MTHFD1L: variants seen among roughly 807,000 people sequenced by gnomAD.
MTHFD1L encodes the protein methylenetetrahydrofolate dehydrogenase (NADP+ dependent) 1 like, also known as monofunctional C1-tetrahydrofolate synthase, mitochondrial.
MTHFD1L carries 81 observed loss-of-function variants against 119.5 expected under a neutral mutation model. The ratio of observed to expected loss-of-function variants is 0.68; its 90% CI spans 0.57 to 0.82. MTHFD1L has a LOEUF of 0.82. Ranked by LOEUF, MTHFD1L falls within the 40% of genes least tolerant of loss-of-function variation. The pLI is 0.00. For synonymous variants in MTHFD1L, 430 were observed against 475.2 expected (o/e 0.90, Z 1.24); for missense variants, 1,125 against 1,253.4 (o/e 0.90, Z 1.55).
In MTHFD1L at chr6:151,014,877, C is replaced by T; in HGVS notation, c.2308-3C>T. On this transcript the variant is annotated splice_region_variant and splice_polypyrimidine_tract_variant and intron_variant, in intron 22 of 27. Transcript: ENST00000367321. ...CTGGGTTTTGCTTTTTTCTTTTTTA[C>T]AGAACATCCAGCTGGTGGCAGACGG... 1.9e-6 allele frequency: 3 copies of T among 1,613,424 alleles called. No homozygotes were observed. The highest frequency in any genetic ancestry group is 2.5e-6 in the Non-Finnish European group (3 of 1,179,728).
chr6:151,043,258 CTTTTTTTT>C (rs1170553631), intron 26 of MTHFD1L, among the ~76,000 whole-genome samples: 5 of 78,856 alleles, frequency 6.3e-5, no homozygotes, highest in Admixed American at 4.0e-4. Context: ...AGTGTTTTCT[CTTTTTTTT>C]TTTTTTTTTT....
At chr6:151,034,289 A>G (rs1785787865) in intron 24 of MTHFD1L, among the ~76,000 whole-genome samples, 1 of 152,126 alleles carries the variant, frequency 6.6e-6, no homozygotes, top group Non-Finnish European at 1.5e-5. Context: ...GCTAGTTGAC[A>G]TCTGATCTAT....
At chr6:151,065,872 G>A (rs1319954026) in intron 26 of MTHFD1L, among the ~76,000 whole-genome samples, 1 of 152,216 alleles carries the variant, frequency 6.6e-6, no homozygotes, top group Non-Finnish European at 1.5e-5. Context: ...CTGTTGCTCA[G>A]ACCATACCTG....
At chr6:150,929,962 A>C (rs745826136) in intron 11 of MTHFD1L, among the ~76,000 whole-genome samples, 1 of 152,214 alleles carries the variant, frequency 6.6e-6, no homozygotes, top group African/African-American at 2.4e-5. Context: ...AAATAGCCAC[A>C]CTGGATTCTA....
chr6:151,016,927 C>T (rs189534847), intron 24 of MTHFD1L, among the ~76,000 whole-genome samples: 20 of 151,828 alleles, frequency 1.3e-4, no homozygotes, highest in African/African-American at 4.4e-4. Context: ...CGCAAGCAAG[C>T]GTGCCTGGCT....
At chr6:150,948,413 A>G (rs1227776206) in intron 15 of MTHFD1L, among the ~76,000 whole-genome samples, 1 of 151,750 alleles carries the variant, frequency 6.6e-6, no homozygotes, top group East Asian at 1.9e-4. Context: ...TCTGCCTCCC[A>G]GGTTCAAGTG....
intron 27 of MTHFD1L, among the ~76,000 whole-genome samples, chr6:151,099,194 T>C (rs117569711): frequency 0.06 from 8,606 of 144,460 alleles, 365 homozygotes; most frequent in South Asian, 0.17. Flanking sequence ...AAAAAAAAAG[T>C]GGGACCACAT....
intron 9 of MTHFD1L, among the ~76,000 whole-genome samples, chr6:150,920,312 T>C (rs1034702807): frequency 6.6e-6 from 1 of 152,236 alleles, no homozygotes; most frequent in Non-Finnish European, 1.5e-5. Context: ...ACCACCTGTG[T>C]GACCTAAAGG....
intron 26 of MTHFD1L, among the ~76,000 whole-genome samples, chr6:151,054,144 T>C (rs1562603944): frequency 1.3e-5 from 2 of 152,202 alleles, no homozygotes; most frequent in African/African-American, 4.8e-5. Context: ...TTCAGCGTCT[T>C]TGAAGCATTG....
chr6:150,967,185 C>T lies in MTHFD1L; in HGVS notation c.2013+2148C>T, dbSNP rs191635698. Among the ~76,000 whole-genome samples, 357 of 152,340 alleles carry T rather than the reference C, an allele frequency of 2.3e-3. 3 individuals are homozygous for T. The highest frequency in any genetic ancestry group is 8.3e-3 in the African/African-American group (344 of 41,586). On this transcript the variant is annotated intron_variant, in intron 19 of 27. Coordinates refer to ENST00000367321, the MANE Select transcript of MTHFD1L (RefSeq NM_015440.5). ...CTGGGGTCTCCATGTTAACTGACCT[C>T]GGGTTCCACCTCTCCTGACTGCCCT...
At chr6:151,078,604 T>C (rs539051808) in intron 26 of MTHFD1L, among the ~76,000 whole-genome samples, 27 of 152,110 alleles carry the variant, frequency 1.8e-4, no homozygotes, top group Non-Finnish European at 2.6e-4. Context: ...GGCCCAGCTT[T>C]TTGCTGGCTG....
intron 26 of MTHFD1L, among the ~76,000 whole-genome samples, chr6:151,059,772 C>T (rs1477336059): frequency 2.0e-5 from 3 of 152,166 alleles, no homozygotes; most frequent in East Asian, 3.9e-4. Context: ...GCTCTCTGCA[C>T]GGTGGGTCTG....
chr6:151,072,877 A>G (rs1371268259), intron 26 of MTHFD1L, among the ~76,000 whole-genome samples: 1 of 152,224 alleles, frequency 6.6e-6, no homozygotes, highest in Non-Finnish European at 1.5e-5. Flanking sequence ...AGCACACTGC[A>G]TTCTAGAGAA....
intron 2 of MTHFD1L, 87 bp downstream of exon 2, chr6:150,876,261 C>A: frequency 8.9e-7 from 1 of 1,128,712 alleles, no homozygotes; most frequent in Non-Finnish European, 1.2e-6. Flanking sequence ...AGCTGCATTT[C>A]TTGCCAAAGA....
chr6:151,083,146 A>G (rs1793370942), intron 26 of MTHFD1L, among the ~76,000 whole-genome samples: 1 of 152,238 alleles, frequency 6.6e-6, no homozygotes, highest in Non-Finnish European at 1.5e-5. Flanking sequence ...AAATAAGGAA[A>G]GGCAGGGAAG....
intron 13 of MTHFD1L, 60 bp from the exon 14 acceptor site, chr6:150,944,426 C>T (rs981897885): frequency 2.3e-6 from 3 of 1,301,596 alleles, no homozygotes; most frequent in Non-Finnish European, 3.3e-6. Context: ...CCAGCCTGGG[C>T]AACAAAGCGA....
At chr6:150,947,858 C>T (rs1794242508) in intron 15 of MTHFD1L, among the ~76,000 whole-genome samples, 1 of 152,190 alleles carries the variant, frequency 6.6e-6, no homozygotes, top group South Asian at 2.1e-4. Context: ...CACTGCAGGA[C>T]ATCTTCAGAT....
At chr6:150,874,103 C>G (rs551272949) in intron 1 of MTHFD1L, among the ~76,000 whole-genome samples, 1 of 152,222 alleles carries the variant, frequency 6.6e-6, no homozygotes, top group East Asian at 1.9e-4. Context: ...TCACGACAGG[C>G]TGGAAAGAGT....
chr6:150,997,612 A>C (rs1272814710), intron 20 of MTHFD1L, among the ~76,000 whole-genome samples: 1 of 151,962 alleles, frequency 6.6e-6, no homozygotes, highest in Non-Finnish European at 1.5e-5. Context: ...AACATGTCAA[A>C]ACCCCATCTC....
Sources: allele counts gnomAD v4.1 joint callset (sites outside exome capture counted in the v4.1 genomes callset), GRCh38; gene constraint gnomAD v4.1.1; transcripts MANE v1.5; gene names NCBI Gene and HGNC (gene_info 2026-07-23, HGNC 2026-07-21).